TMEM177: variants seen among roughly 807,000 people sequenced by gnomAD.
TMEM177 encodes the protein transmembrane protein 177.
TMEM177 carries 4 observed loss-of-function variants against 14.2 expected under a neutral mutation model. That is an observed-to-expected ratio of 0.28 (90% CI 0.14 to 0.64). TMEM177 has a LOEUF of 0.64. TMEM177 is among the 30% of genes least tolerant of loss of function. TMEM177 has a pLI of 0.82. For synonymous variants in TMEM177, 179 were observed against 174.5 expected, an observed-to-expected ratio of 1.03 and a Z score of -0.20; for missense variants, 344 against 405.2, an observed-to-expected ratio of 0.85 and a Z score of 1.30.
downstream of TMEM177, among the ~76,000 whole-genome samples, chr2:119,683,277 C>T (rs1251659108): frequency 6.6e-6 from 1 of 152,202 alleles, no homozygotes; most frequent in Non-Finnish European, 1.5e-5. Flanking sequence ...CATCCTTGCT[C>T]ATTCCCCAGG....
At chr2:119,694,084 CCA>C in the TMEM177 span, among the ~76,000 whole-genome samples, 54 of 20,866 alleles carry the variant, frequency 2.6e-3, 1 homozygote, top group South Asian at 3.2e-3. Flanking sequence ...AACATACACA[CCA>C]CACACATGGC....
chr2:119,705,990 A>ATATATATAT, the TMEM177 span, among the ~76,000 whole-genome samples: 14 of 14,608 alleles, frequency 9.6e-4, no homozygotes, highest in Middle Eastern at 0.042. Flanking sequence ...CTCTCTATAT[A>ATATATATAT]TATATATTAT....
chr2:119,695,456 G>A, the TMEM177 span, among the ~76,000 whole-genome samples: 2 of 152,220 alleles, frequency 1.3e-5, no homozygotes, highest in East Asian at 1.9e-4. Context: ...TCACAGGCAG[G>A]GCCTGGCCTT....
the TMEM177 span, among the ~76,000 whole-genome samples, chr2:119,708,315 A>G: frequency 6.6e-6 from 1 of 150,492 alleles, no homozygotes; most frequent in Non-Finnish European, 1.5e-5. Flanking sequence ...ATTTTTGTGG[A>G]AAAAAAAATC....
chr2:119,719,334 T>C, the TMEM177 span, among the ~76,000 whole-genome samples: 3 of 152,216 alleles, frequency 2.0e-5, no homozygotes, highest in African/African-American at 7.2e-5. Context: ...TTCTAAACTT[T>C]ACATAGTATG....
downstream of TMEM177, among the ~76,000 whole-genome samples, chr2:119,690,215 A>C (rs1367468706): frequency 3.9e-5 from 6 of 151,952 alleles, no homozygotes; most frequent in African/African-American, 1.5e-4. Flanking sequence ...GTTCTCACGA[A>C]ATCTGGTTAT....
At chr2:119,694,358 A>T in the TMEM177 span, among the ~76,000 whole-genome samples, 2 of 152,022 alleles carry the variant, frequency 1.3e-5, no homozygotes, top group Non-Finnish European at 2.9e-5. Context: ...CCACACACAC[A>T]CACCCCTCAG....
the TMEM177 span, among the ~76,000 whole-genome samples, chr2:119,692,914 G>C: frequency 1.5e-5 from 2 of 135,938 alleles, no homozygotes; most frequent in African/African-American, 5.5e-5. Flanking sequence ...AGAGGTTGCA[G>C]TGAGCCGAGA....
chr2:119,693,571 C>A, the TMEM177 span, among the ~76,000 whole-genome samples: 3 of 152,164 alleles, frequency 2.0e-5, no homozygotes, highest in Non-Finnish European at 2.9e-5. Context: ...GCTGTCTGCA[C>A]AAGCTTCTCT....
the TMEM177 span, among the ~76,000 whole-genome samples, chr2:119,694,201 T>C: frequency 4.2e-5 from 5 of 120,330 alleles, no homozygotes; most frequent in South Asian, 9.5e-4. Flanking sequence ...CAACATACCA[T>C]GCACACACAA....
chr2:119,682,730 G>A (rs1688936401), downstream of TMEM177, among the ~76,000 whole-genome samples: 1 of 152,198 alleles, frequency 6.6e-6, no homozygotes, highest in Admixed American at 6.5e-5. Context: ...GAGCCCACTG[G>A]CGCCATCCAG....
intron 1 of TMEM177, among the ~76,000 whole-genome samples, chr2:119,679,844 C>G (rs1370448673): frequency 2.6e-5 from 4 of 152,180 alleles, no homozygotes; most frequent in Non-Finnish European, 5.9e-5. Context: ...TTTTCTAAAA[C>G]AAAAAGTTTG....
the TMEM177 span, among the ~76,000 whole-genome samples, chr2:119,703,408 T>C: frequency 2.6e-5 from 4 of 152,092 alleles, no homozygotes; most frequent in Non-Finnish European, 5.9e-5. Context: ...TGGCAGATGT[T>C]GACAAATAAT....
chr2:119,686,123 G>A (rs142759152), downstream of TMEM177: 15 of 165,530 alleles, frequency 9.1e-5, no homozygotes, highest in African/African-American at 3.3e-4. Context: ...ACTTTAACAG[G>A]GCGATCTGGA....
the TMEM177 span, among the ~76,000 whole-genome samples, chr2:119,722,397 A>G: frequency 1.7e-4 from 25 of 150,608 alleles, no homozygotes; most frequent in African/African-American, 6.1e-4. Context: ...AAAAAAAAGG[A>G]AAAGGAAAAG....
chr2:119,709,613 A>C, the TMEM177 span, among the ~76,000 whole-genome samples: 2 of 152,204 alleles, frequency 1.3e-5, no homozygotes, highest in African/African-American at 4.8e-5. Flanking sequence ...CGAGGTCAGG[A>C]GATTGAGACC....
the TMEM177 span, among the ~76,000 whole-genome samples, chr2:119,695,573 G>A: frequency 1.3e-5 from 2 of 152,202 alleles, no homozygotes; most frequent in Non-Finnish European, 2.9e-5. Context: ...AGAGAGGTGG[G>A]GAGGAAGCGC....
chr2:119,710,327 C>T, the TMEM177 span, among the ~76,000 whole-genome samples: 1 of 152,202 alleles, frequency 6.6e-6, no homozygotes, highest in Non-Finnish European at 1.5e-5. Flanking sequence ...TTCCCCTCCT[C>T]AGTCAAGGGA....
the TMEM177 span, among the ~76,000 whole-genome samples, chr2:119,719,222 C>T: frequency 1.3e-5 from 2 of 152,200 alleles, no homozygotes; most frequent in African/African-American, 2.4e-5. Flanking sequence ...ATCCACCTCC[C>T]CTAAGGTGAC....
Sources: allele counts gnomAD v4.1 joint callset (sites outside exome capture counted in the v4.1 genomes callset), GRCh38; gene constraint gnomAD v4.1.1; transcripts MANE v1.5; gene names NCBI Gene and HGNC (gene_info 2026-07-23, HGNC 2026-07-21).